Variants in RPS6KA5 observed in about 807,000 individuals in gnomAD.
RPS6KA5 encodes ribosomal protein S6 kinase alpha-5.
Under a neutral mutation model 85.5 loss-of-function variants are expected in RPS6KA5, and 27 were observed. The ratio of observed to expected loss-of-function variants is 0.32; its 90% confidence interval spans 0.23 to 0.44. The LOEUF (loss-of-function observed/expected upper bound fraction) is 0.44. Ranked by LOEUF, RPS6KA5 falls within the 20% of genes least tolerant of loss-of-function variation. The pLI, the probability that RPS6KA5 is intolerant of heterozygous loss-of-function variation, is 1.00. For missense variants in RPS6KA5, 811 were observed against 980.9 expected (o/e 0.83, Z 2.31); for synonymous variants, 334 against 348.2 (o/e 0.96, Z 0.46).
chr14:90,875,525 C>G (rs2033401775), intron 14 of RPS6KA5, among the ~76,000 whole-genome samples, 165 bp from the exon 15 acceptor site: 1 of 152,026 alleles, frequency 6.6e-6, no homozygotes, highest in African/African-American at 2.4e-5. Flanking sequence ...CTAGAAATAC[C>G]ATTTGACCCA....
At chr14:91,027,669 G>C (rs1453080708) in intron 1 of RPS6KA5, among the ~76,000 whole-genome samples, 2 of 152,148 alleles carry the variant, frequency 1.3e-5, no homozygotes, top group South Asian at 2.1e-4. Context: ...GTCCAGTGTG[G>C]CTTGTCTAGG....
At chr14:90,916,301 G>A (rs1052557824) in intron 7 of RPS6KA5, among the ~76,000 whole-genome samples, 5 of 152,246 alleles carry the variant, frequency 3.3e-5, no homozygotes, top group Admixed American at 6.5e-5. Flanking sequence ...CAGGGGAAAA[G>A]CTGGACTCTA....
chr14:90,880,881 C>T (rs908791880), intron 14 of RPS6KA5, among the ~76,000 whole-genome samples: 7 of 145,242 alleles, frequency 4.8e-5, no homozygotes, highest in Non-Finnish European at 6.0e-5. Context: ...TTTCCAAGGT[C>T]GGAGTACAGT....
intron 2 of RPS6KA5, among the ~76,000 whole-genome samples, chr14:90,983,745 G>A (rs1753185668): frequency 6.6e-6 from 1 of 151,666 alleles, no homozygotes; most frequent in South Asian, 2.1e-4. Flanking sequence ...AAGAGAACAT[G>A]AAGTTCTAAA....
At chr14:91,024,754 A>G (rs2139810355) in intron 1 of RPS6KA5, among the ~76,000 whole-genome samples, 1 of 152,266 alleles carries the variant, frequency 6.6e-6, no homozygotes, top group South Asian at 2.1e-4. Flanking sequence ...GTGTAAACTA[A>G]CAAGTCCCAG....
In RPS6KA5 at chr14:91,020,218, C is replaced by CGT. The variant is rs1294164624; in HGVS notation, c.104-19061_104-19060dup. ...GTGTGTGTGTGTGTGTGCATGTACACGTGTGTGTGTATGGCCCTCCATGTC... is the reference window on the plus strand; with the variant it reads ...GTGTGTGTGTGTGTGTGCATGTACACGTGTGTGTGTGTATGGCCCTCCATGTC... On this transcript the variant is annotated intron_variant, in intron 1 of 16. Coordinates refer to ENST00000614987, the MANE Select transcript of RPS6KA5 (RefSeq NM_004755.4). 6.0e-5 allele frequency among the ~76,000 whole-genome samples: 8 copies of CGT among 134,118 alleles called. 1 individual carries two copies. 88.0% of individuals were successfully genotyped at this position (134,118 alleles called of 152,430 possible). A position where few individuals can be genotyped will look rare whatever the true frequency, so the allele number is the denominator to read the frequency against.
chr14:90,918,029 T>C (rs2036213592), intron 7 of RPS6KA5, among the ~76,000 whole-genome samples: 2 of 152,254 alleles, frequency 1.3e-5, no homozygotes, highest in Admixed American at 6.5e-5. Flanking sequence ...GACATATGTT[T>C]TCATTTCCCT....
rs2032903358 is a variant in RPS6KA5, at chr14:90,868,496, A to G, written c.*3578T>C. On this transcript the variant is annotated 3_prime_UTR_variant, in exon 17 of 17. Transcript: ENST00000614987. Reference sequence around the variant, plus strand: ...TAACAATTATTTTGACATAAGTGGCATATCAGAATTTAACTTATTTACTTA... The same window carrying G: ...TAACAATTATTTTGACATAAGTGGCGTATCAGAATTTAACTTATTTACTTA... 1 of 152,208 alleles carries G rather than the reference A, an allele frequency of 6.6e-6. No homozygotes were observed. Among genetic ancestry groups the G allele is most frequent in the Non-Finnish European group, 1.5e-5 (1 of 68,020 alleles). 9.4% of individuals were successfully genotyped at this position (152,208 alleles called of 1,614,324 possible). A position where few individuals can be genotyped will look rare whatever the true frequency, so the allele number is the denominator to read the frequency against.
At chr14:91,038,236 T>A (rs966988217) in intron 1 of RPS6KA5, among the ~76,000 whole-genome samples, 7 of 152,166 alleles carry the variant, frequency 4.6e-5, no homozygotes, top group African/African-American at 1.7e-4. Flanking sequence ...CTTCCCATGT[T>A]AGGGTCAGAC....
chr14:90,898,865 A>G (rs950419938), intron 12 of RPS6KA5, among the ~76,000 whole-genome samples: 9 of 152,210 alleles, frequency 5.9e-5, no homozygotes, highest in African/African-American at 2.2e-4. Flanking sequence ...TAAAAGGAGT[A>G]TCTTTGCTTT....
intron 7 of RPS6KA5, among the ~76,000 whole-genome samples, chr14:90,910,682 ATTATTT>A (rs1199568191): frequency 1.4e-5 from 2 of 146,820 alleles, no homozygotes; most frequent in East Asian, 2.0e-4. Flanking sequence ...TATCATTATT[ATTATTT>A]TTTTTTTTTT....
rs1032676296 is a variant in RPS6KA5 at position 90,859,807 on chromosome 14, A to C, written c.*12267T>G. On this transcript the variant is annotated 3_prime_UTR_variant, in exon 17 of 17. Transcript: ENST00000614987. ...AACCAACAGATTCAGGAAGTTTACC[A>C]ATCTTAGGATGGATGAAGCTGGAAA... 6.6e-6 allele frequency: 1 copy of C among 152,216 alleles called. No homozygotes were observed. The highest frequency in any genetic ancestry group is 2.4e-5 in the African/African-American group (1 of 41,458). The allele number at this position is 152,216 out of a possible 1,614,324, so 9.4% of individuals were successfully genotyped here.
At chr14:90,886,296 C>T (rs989554683) in intron 14 of RPS6KA5, among the ~76,000 whole-genome samples, 1 of 152,098 alleles carries the variant, frequency 6.6e-6, no homozygotes, top group African/African-American at 2.4e-5. Context: ...AAATAAGGTC[C>T]TGAGAATAAA....
intron 2 of RPS6KA5, among the ~76,000 whole-genome samples, chr14:91,000,203 A>G (rs2040725489): frequency 6.6e-6 from 1 of 152,228 alleles, no homozygotes; most frequent in Non-Finnish European, 1.5e-5. Flanking sequence ...TGTTTTGTAT[A>G]TTGTACATTC....
rs147233692 is a variant in RPS6KA5, at chr14:90,872,090, G to A, written c.2393C>T (p.Ser798Leu). 1.9e-5 allele frequency: 30 copies of A among 1,613,104 alleles called. No individual in the cohort carries two copies. Among genetic ancestry groups the A allele is most frequent in the Non-Finnish European group, 2.4e-5 (28 of 1,179,568 alleles). The change falls in exon 17 of 17, where the codon TCG (serine) becomes TTG (leucine). Residue 798 changes from serine to leucine, a missense_variant. Ser to Leu is a moderately radical substitution (Grantham distance 145, BLOSUM62 -2). Around this residue, in one of 3 missense-constraint regions of RPS6KA5, gnomAD observed 650 missense variants for 793.4 expected, o/e 0.82. Transcript: ENST00000614987. ...CTACCATGCCTAAGCTACTGAGTCC[G>A]AGAACTGGAAGAGGGTCTCCGGGTT... ...SNNPETLFQF[S>L]DSVA is the part of the protein sequence containing the mutation.
At chr14:90,981,454 T>C (rs78335364) in intron 2 of RPS6KA5, among the ~76,000 whole-genome samples, 2,728 of 152,284 alleles carry the variant, frequency 0.018, 65 homozygotes, top group African/African-American at 0.063. Flanking sequence ...TTAAAAACTA[T>C]TGTATTTCAC....
chr14:90,888,341 TG>T (rs940315658), intron 14 of RPS6KA5, among the ~76,000 whole-genome samples: 24 of 152,198 alleles, frequency 1.6e-4, no homozygotes, highest in Admixed American at 1.6e-3. Flanking sequence ...TGGACATAAT[TG>T]GCCTTTAGCA....
intron 3 of RPS6KA5, among the ~76,000 whole-genome samples, chr14:90,948,770 G>A (rs1305787337): frequency 3.3e-5 from 5 of 151,020 alleles, no homozygotes; most frequent in East Asian, 1.9e-4. Context: ...CAGGATTTGC[G>A]TGTGAGAAAC....
At chr14:90,936,166 A>T (rs2037245669) in intron 5 of RPS6KA5, among the ~76,000 whole-genome samples, 1 of 152,270 alleles carries the variant, frequency 6.6e-6, no homozygotes, top group Admixed American at 6.5e-5. Context: ...GGTTGAGAAC[A>T]GAACAGTAAA....
Sources: gnomAD v4.1 joint callset for allele counts (sites outside exome capture counted in the v4.1 genomes callset) on GRCh38, gnomAD v4.1.1 for gene constraint, gnomAD v4.1.1 regional missense constraint, MANE v1.5 for transcripts, NCBI Gene and HGNC (gene_info 2026-07-23, HGNC 2026-07-21) for gene names.